FLAD1: variants seen among roughly 807,000 people sequenced by gnomAD.
FLAD1 encodes flavin adenine dinucleotide synthetase 1, also known as bifunctional FAD diphosphatase/FAD synthase.
Under a neutral mutation model 55.0 loss-of-function variants are expected in FLAD1, and 35 were observed. The ratio of observed to expected loss-of-function variants is 0.64; its 90% CI spans 0.49 to 0.84. The LOEUF (loss-of-function observed/expected upper bound fraction) is 0.84. Among genes scored for constraint, FLAD1 ranks in the 40% least tolerant of loss-of-function variants. The probability of loss-of-function intolerance (pLI) is 0.00; values close to 1 mark genes in which losing one functional copy is unlikely to be tolerated. For synonymous variants in FLAD1, 267 were observed against 303.0 expected (o/e 0.88, Z 1.23); for missense variants, 665 against 742.6 (o/e 0.90, Z 1.21).
At chr1:154,985,821 G>A (rs536756446) in intron 1 of FLAD1, among the ~76,000 whole-genome samples, 1 of 150,454 alleles carries the variant, frequency 6.6e-6, no homozygotes, top group African/African-American at 2.5e-5. Context: ...CGCCTCCTGG[G>A]TTCAAGCGAC....
At chr1:154,989,535 G>A (rs1270065007) in intron 2 of FLAD1, 25 bp from the exon 3 acceptor site, 1 of 1,534,214 alleles carries the variant, frequency 6.5e-7, no homozygotes, top group South Asian at 1.3e-5. Context: ...TCCATCTGAT[G>A]CCCTCTTCCC....
In FLAD1 at chr1:154,983,669, G is replaced by C. The variant is rs1657427480; in HGVS notation, c.-26G>C. 6.3e-7 allele frequency: 1 copy of C among 1,586,904 alleles called. No individual in the cohort carries two copies. Among genetic ancestry groups the C allele is most frequent in the Non-Finnish European group, 8.6e-7 (1 of 1,164,874 alleles). ...AAGAGAGAAGAAGTTTTTAAGACTA[G>C]AGCTAAGCAAGACATTTAAAAGGAC... On this transcript the variant is annotated 5_prime_UTR_variant, in exon 1 of 7. Coordinates refer to ENST00000292180, the MANE Select transcript of FLAD1 (RefSeq NM_025207.5).
chr1:154,989,557 C>T lies in FLAD1; in HGVS notation c.1118-3C>T. On this transcript the variant is annotated splice_region_variant and splice_polypyrimidine_tract_variant and intron_variant, in intron 2 of 6. Coordinates refer to ENST00000292180, the MANE Select transcript of FLAD1 (RefSeq NM_025207.5). Reference sequence around the variant, plus strand: ...GATGCCCTCTTCCCTGCCTGCTTGGCAGGGTCTTCTTTGGGGAAAAAGGTG... The same window carrying T: ...GATGCCCTCTTCCCTGCCTGCTTGGTAGGGTCTTCTTTGGGGAAAAAGGTG... 1 of 1,561,222 alleles carries T rather than the reference C, an allele frequency of 6.4e-7. No individual in the cohort carries two copies. The highest frequency in any genetic ancestry group is 8.7e-7 in the Non-Finnish European group (1 of 1,153,144).
At position 154,988,500 on chromosome 1, in the gene FLAD1, C is replaced by A. The variant is rs753219806; in HGVS notation, c.768C>A (p.Gly256=). Residue 256 remains glycine (G), a synonymous_variant, in exon 2 of 7, where the codon GGC becomes GGA. Coordinates refer to ENST00000292180, the MANE Select transcript of FLAD1 (RefSeq NM_025207.5). ...TCCGAAACGTCTACCTCTTCCCAGGCATTCCAGAGCTGCTGCGGCGGGTGC... is the reference window on the plus strand; with the variant it reads ...TCCGAAACGTCTACCTCTTCCCAGGAATTCCAGAGCTGCTGCGGCGGGTGC... ...VSVRNVYLFP[G]IPELLRRVLE... is the part of the protein sequence containing the mutation. The A allele has an allele frequency of 6.2e-7, 1 of 1,614,262 alleles. No homozygotes were observed. The highest frequency in any genetic ancestry group is 8.5e-7 in the Non-Finnish European group (1 of 1,180,046).
At chr1:154,986,044 TG>T (rs1657585625) in intron 1 of FLAD1, among the ~76,000 whole-genome samples, 1 of 151,634 alleles carries the variant, frequency 6.6e-6, no homozygotes, top group African/African-American at 2.4e-5. Context: ...TGTGTGTGTG[TG>T]TGTGTGTGTG....
Position 154,988,094 on chromosome 1 carries a change from TC to T in FLAD1, c.373-10del. On this transcript the variant is annotated splice_polypyrimidine_tract_variant and intron_variant, in intron 1 of 6. Coordinates refer to ENST00000292180, the MANE Select transcript of FLAD1 (RefSeq NM_025207.5). The stretch of plus-strand genomic sequence containing the variant: ...AGTACTGATGGCCTCATCTTCCCCT[TC>T]AACCCCCAGGGACACACTCAGGACA... 1 of 1,614,170 alleles carries T rather than the reference TC, an allele frequency of 6.2e-7. No individual in the cohort carries two copies. The highest frequency in any genetic ancestry group is 8.5e-7 in the Non-Finnish European group (1 of 1,180,022).
At position 154,988,416 on chromosome 1, in the gene FLAD1, C is replaced by T; in HGVS notation, c.684C>T (p.Arg228=). 6.2e-7 allele frequency: 1 copy of T among 1,614,222 alleles called. No individual in the cohort carries two copies. Among genetic ancestry groups the T allele is most frequent in the South Asian group, 1.1e-5 (1 of 91,086 alleles). ...EKLSLVPSSA[R]LHYGTDPCTG... ...TATCATTGGTGCCCTCCTCTGCCCG[C>T]CTGCATTATGGCACAGATCCTTGCA... Residue 228 remains arginine, a synonymous_variant, in exon 2 of 7, where the codon CGC becomes CGT. Coordinates refer to ENST00000292180, the MANE Select transcript of FLAD1 (RefSeq NM_025207.5).
chr1:154,985,386 A>C (rs1252391075), intron 1 of FLAD1, among the ~76,000 whole-genome samples: 5 of 148,318 alleles, frequency 3.4e-5, no homozygotes, highest in Admixed American at 1.3e-4. Context: ...GAGCCACTGC[A>C]CTCAGCCTTA....
At chr1:154,987,115 C>T (rs1331290275) in intron 1 of FLAD1, among the ~76,000 whole-genome samples, 1 of 151,220 alleles carries the variant, frequency 6.6e-6, no homozygotes, top group East Asian at 1.9e-4. Context: ...GCAGTCTCTG[C>T]CTCCCAGGCT....
chr1:154,984,569 G>A (rs1468906165), intron 1 of FLAD1, among the ~76,000 whole-genome samples: 5 of 152,056 alleles, frequency 3.3e-5, no homozygotes, highest in Non-Finnish European at 5.9e-5. Context: ...TTAGCCAGGC[G>A]TGGTGGTGCA....
chr1:154,988,644 T>C lies in FLAD1; in HGVS notation c.912T>C (p.Phe304=). The change falls in exon 2 of 7, where the codon TTT becomes TTC. Residue 304 remains phenylalanine (F), a synonymous_variant. Transcript: ENST00000292180. ...TTCTGGCTGAGGCCCAGGCCCACTT[T>C]GGACGTAGGCTTGGCCTGGGTTCCT... is the stretch of plus-strand genomic sequence containing the variant. ...APILAEAQAH[F]GRRLGLGSYP... The C allele has an allele frequency of 1.2e-6, 2 of 1,614,228 alleles. No homozygotes were observed. The highest frequency in any genetic ancestry group is 1.1e-5 in the South Asian group (1 of 91,086).
intron 2 of FLAD1, chr1:154,989,072 G>A: frequency 8.9e-7 from 1 of 1,121,670 alleles, no homozygotes; most frequent in Non-Finnish European, 1.2e-6. Context: ...TGTATGCCCT[G>A]CTCTTATGGA....
At chr1:154,990,730 TC>T in intron 5 of FLAD1, 1 of 514,542 alleles carries the variant, frequency 1.9e-6, no homozygotes, top group East Asian at 3.2e-5. Flanking sequence ...GCATTGCACT[TC>T]CTACTGTGGA....
At chr1:154,987,683 T>G in intron 1 of FLAD1, 1 of 263,990 alleles carries the variant, frequency 3.8e-6, no homozygotes, top group Non-Finnish European at 7.3e-6. Flanking sequence ...ACACCTATAA[T>G]TCCAGCACTT....
chr1:154,986,704 C>CCTTTTT (rs1657626991), intron 1 of FLAD1, among the ~76,000 whole-genome samples: 8 of 91,728 alleles, frequency 8.7e-5, no homozygotes, highest in African/African-American at 3.0e-4. Flanking sequence ...GCCCCCCACC[C>CCTTTTT]TTTTTTTTTT....
chr1:154,984,091 G>A (rs1180903329), intron 1 of FLAD1, 25 bp downstream of exon 1: 39 of 1,479,264 alleles, frequency 2.6e-5, no homozygotes, highest in South Asian at 4.5e-5. Context: ...GAAAAGGGGG[G>A]AGGGCGCTGC....
chr1:154,987,132 GC>G (rs1403070549), intron 1 of FLAD1, among the ~76,000 whole-genome samples: 3 of 151,152 alleles, frequency 2.0e-5, no homozygotes, highest in Non-Finnish European at 4.4e-5. Context: ...GGCTCAAGCA[GC>G]CCACCCACTT....
intron 5 of FLAD1, chr1:154,991,264 A>C (rs1657856426): frequency 7.0e-6 from 1 of 143,416 alleles, no homozygotes; most frequent in South Asian, 2.2e-4. Context: ...ATACACACAC[A>C]CATACACAGG....
Position 154,992,954 on chromosome 1 carries a change from T to G in FLAD1, c.1681T>G (p.Cys561Gly). The G allele has an allele frequency of 6.2e-7, 1 of 1,613,858 alleles. No homozygotes were observed. The change falls in exon 7 of 7, where the codon TGC becomes GGC. Residue 561 changes from cysteine to glycine, a missense_variant. Physicochemically the swap from Cys to Gly is radical, Grantham distance 159 (BLOSUM62 -3). Coordinates refer to ENST00000292180, the MANE Select transcript of FLAD1 (RefSeq NM_025207.5). Reference sequence around the variant, plus strand: ...TACCGTGCGGAACCCGGCCCTGAAGTGCCTGAGCCCAGGAGGACACCCCAC... The same window carrying G: ...TACCGTGCGGAACCCGGCCCTGAAGGGCCTGAGCCCAGGAGGACACCCCAC... ...ENTVRNPALK[C>G]LSPGGHPTYR...
Sources: allele counts gnomAD v4.1 joint callset (sites outside exome capture counted in the v4.1 genomes callset), GRCh38; gene constraint gnomAD v4.1.1; transcripts MANE v1.5; gene names NCBI Gene and HGNC (gene_info 2026-07-23, HGNC 2026-07-21).